PMF1: variants seen among roughly 807,000 people sequenced by gnomAD.
PMF1 encodes polyamine-modulated factor 1.
PMF1 carries 21 observed loss-of-function variants against 26.7 expected under a neutral mutation model. That is an observed-to-expected ratio of 0.79 (90% CI 0.56 to 1.13). PMF1 has a LOEUF of 1.13. PMF1 is among the 50% of genes most tolerant of loss of function. PMF1 has a pLI of 0.00. For synonymous variants in PMF1, 105 were observed against 101.0 expected (o/e 1.04, Z -0.24); for missense variants, 266 against 254.9 (o/e 1.04, Z -0.30).
At chr1:156,237,590 G>GTA (rs1558198612) in intron 4 of PMF1, among the ~76,000 whole-genome samples, 7 of 151,510 alleles carry the variant, frequency 4.6e-5, no homozygotes, top group African/African-American at 1.7e-4. Context: ...GGGATTCCAG[G>GTA]CATGAGCTGC....
intron 1 of PMF1, 80 bp from the exon 2 acceptor site, chr1:156,232,240 C>T (rs547184591): frequency 7.9e-6 from 10 of 1,269,684 alleles, no homozygotes; most frequent in Non-Finnish European, 1.1e-5. Context: ...TCCTGTAATG[C>T]GAAGCGGAGG....
At chr1:156,223,079 G>T (rs1658172169) in intron 1 of PMF1, among the ~76,000 whole-genome samples, 1 of 152,214 alleles carries the variant, frequency 6.6e-6, no homozygotes, top group Non-Finnish European at 1.5e-5. Context: ...CACCCTCTTT[G>T]AATATGCAGG....
chr1:156,217,149 G>A (rs1657803201), intron 1 of PMF1, among the ~76,000 whole-genome samples: 1 of 150,396 alleles, frequency 6.6e-6, no homozygotes, highest in African/African-American at 2.5e-5. Context: ...CGAGTTAGTG[G>A]GTGCAGCGCA....
chr1:156,223,270 C>T (rs1658182092), intron 1 of PMF1: 1 of 152,254 alleles, frequency 6.6e-6, no homozygotes, highest in African/African-American at 2.4e-5. Flanking sequence ...AGCTGTGCTT[C>T]CTGAAGCCAC....
At chr1:156,221,862 A>T (rs567725434) in intron 1 of PMF1, among the ~76,000 whole-genome samples, 1 of 152,122 alleles carries the variant, frequency 6.6e-6, no homozygotes, top group East Asian at 1.9e-4. Flanking sequence ...CTTCCATTCA[A>T]CTGCCCACCC....
chr1:156,220,262 C>A (rs937463036), intron 1 of PMF1, among the ~76,000 whole-genome samples: 6 of 151,886 alleles, frequency 4.0e-5, no homozygotes, highest in Non-Finnish European at 8.8e-5. Context: ...CCATGCCCGG[C>A]CTGCCCATGC....
intron 2 of PMF1, among the ~76,000 whole-genome samples, 171 bp downstream of exon 2, chr1:156,232,596 C>T (rs937203997): frequency 1.5e-4 from 23 of 152,222 alleles, no homozygotes; most frequent in Non-Finnish European, 2.5e-4. Context: ...CCAAATGATG[C>T]GGGTATCTTA....
rs1446699595 is a variant in PMF1, at chr1:156,239,788, G to C, written c.*187G>C. 3.5e-6 allele frequency: 2 copies of C among 577,064 alleles called. No individual in the cohort carries two copies. The highest frequency in any genetic ancestry group is 2.3e-5 in the South Asian group (1 of 43,946). The allele number at this position is 577,064 out of a possible 1,614,324, so 35.7% of individuals were successfully genotyped here. A position where few individuals can be genotyped will look rare whatever the true frequency, so the allele number is the denominator to read the frequency against. The stretch of plus-strand genomic sequence containing the variant: ...CCACTGTGCCTTTGGGGCACCCTTG[G>C]GGTTGGACATACACCCCCTTTAGAT... On this transcript the variant is annotated 3_prime_UTR_variant, in exon 5 of 5. Coordinates refer to ENST00000368277, the MANE Select transcript of PMF1 (RefSeq NM_007221.4).
At chr1:156,213,793 C>G (rs944734470) in intron 1 of PMF1, among the ~76,000 whole-genome samples, 9 of 152,222 alleles carry the variant, frequency 5.9e-5, no homozygotes, top group African/African-American at 2.2e-4. Context: ...AGGACAGGAC[C>G]TGACACATAG....
intron 1 of PMF1, among the ~76,000 whole-genome samples, chr1:156,224,298 C>T (rs1056134521): frequency 5.3e-5 from 8 of 152,160 alleles, no homozygotes; most frequent in Admixed American, 4.6e-4. Context: ...TGAGAACCTT[C>T]AAAAGCATCT....
At position 156,233,669 on chromosome 1, in the gene PMF1, T is replaced by G; in HGVS notation, c.309T>G (p.Ala103=). 1 of 1,614,014 alleles carries G rather than the reference T, an allele frequency of 6.2e-7. No homozygotes were observed. Among genetic ancestry groups the G allele is most frequent in the Non-Finnish European group, 8.5e-7 (1 of 1,179,962 alleles). ...SDIKEEGNLE[A]VLNALDKIVE... The stretch of plus-strand genomic sequence containing the variant: ...TCAAAGAGGAGGGGAACCTAGAAGC[T>G]GTCTTGAATGCCTTGGATAAAATTG... Residue 103 remains alanine, a synonymous_variant, in exon 3 of 5, where the codon GCT becomes GCG. Transcript: ENST00000368277.
chr1:156,227,357 A>G (rs1658422897), intron 1 of PMF1, among the ~76,000 whole-genome samples: 1 of 151,844 alleles, frequency 6.6e-6, no homozygotes, highest in Admixed American at 6.6e-5. Flanking sequence ...TACAAAAATT[A>G]GCTGGGCGTG....
chr1:156,239,572 C>T lies in PMF1; in HGVS notation c.589C>T (p.Leu197=). 5.0e-6 allele frequency: 8 copies of T among 1,613,006 alleles called. No individual in the cohort carries two copies. The highest frequency in any genetic ancestry group is 6.8e-6 in the Non-Finnish European group (8 of 1,179,834). Residue 197 remains leucine, a synonymous_variant, in exon 5 of 5, where the codon CTG becomes TTG. Transcript: ENST00000368277. The stretch of plus-strand genomic sequence containing the variant: ...GGCTCTACACAGAGAACAGAGGGAG[C>T]TGGTTGCTGTGCTGAGGGAGCCTGA... The part of the protein sequence containing the change: ...WQALHREQRE[L]VAVLREPE
intron 4 of PMF1, 141 bp from the exon 5 acceptor site, chr1:156,239,407 T>A: frequency 1.6e-6 from 1 of 644,754 alleles, no homozygotes. Flanking sequence ...CCTAACATGC[T>A]CTGCAGGGCC....
intron 1 of PMF1, among the ~76,000 whole-genome samples, chr1:156,222,495 G>A (rs149702707): frequency 2.8e-4 from 43 of 152,156 alleles, no homozygotes; most frequent in Admixed American, 8.5e-4. Flanking sequence ...CGATTCTGCC[G>A]CGTCAGCCTC....
intron 4 of PMF1, among the ~76,000 whole-genome samples, chr1:156,238,800 T>G (rs528136093): frequency 2.0e-5 from 3 of 152,176 alleles, no homozygotes; most frequent in South Asian, 4.1e-4. Context: ...TGCTCCCTAC[T>G]GTCCCCACTC....
intron 1 of PMF1, among the ~76,000 whole-genome samples, chr1:156,216,091 TA>T (rs202097257): frequency 6.7e-6 from 1 of 150,212 alleles, no homozygotes. Context: ...CTGGTACCAT[TA>T]AAAAAAAATA....
intron 4 of PMF1, chr1:156,237,289 C>G (rs975816015): frequency 1.6e-4 from 24 of 151,622 alleles, no homozygotes; most frequent in African/African-American, 5.8e-4. Context: ...TACTGTTGAA[C>G]AGAATTTACA....
chr1:156,230,606 A>T (rs555288021), intron 1 of PMF1, among the ~76,000 whole-genome samples: 37 of 152,316 alleles, frequency 2.4e-4, no homozygotes, highest in African/African-American at 8.9e-4. Context: ...GGGAGGAAAC[A>T]AAGGGGAGGG....
Sources: allele counts gnomAD v4.1 joint callset (sites outside exome capture counted in the v4.1 genomes callset), GRCh38; gene constraint gnomAD v4.1.1; transcripts MANE v1.5; gene names NCBI Gene and HGNC (gene_info 2026-07-23, HGNC 2026-07-21).